Variants in GABRG1 observed in about 807,000 individuals in gnomAD.
GABRG1 encodes gamma-aminobutyric acid type A receptor subunit gamma1.
A neutral mutation model predicts 49.8 loss-of-function variants in GABRG1; 49 were observed. That is an observed-to-expected ratio of 0.98 (90% confidence interval 0.78 to 1.25). The LOEUF is 1.25. Ranked by LOEUF, GABRG1 falls within the 50% of genes most tolerant of loss-of-function variation. The pLI is 0.00. For missense variants in GABRG1, 552 were observed against 552.3 expected, an observed-to-expected ratio of 1.00 and a Z score of 0.01; for synonymous variants, 232 against 185.1, an observed-to-expected ratio of 1.25 and a Z score of -2.06.
Position 46,036,806 on chromosome 4 carries a change from T to C in GABRG1, c.*4182A>G, listed in dbSNP as rs185936551. ...CTTCTGCAGAAATTTTAATAATGTA[T>C]CTTTTGTACTCAAGTATCTCTGTGA... On this transcript the variant is annotated 3_prime_UTR_variant, in exon 9 of 9. Coordinates refer to ENST00000295452, the MANE Select transcript of GABRG1 (RefSeq NM_173536.4). 6.6e-6 allele frequency: 1 copy of C among 151,964 alleles called. No homozygotes were observed. Among genetic ancestry groups the C allele is most frequent in the African/African-American group, 2.4e-5 (1 of 41,426 alleles). 9.4% of individuals were successfully genotyped at this position (151,964 alleles called of 1,614,324 possible). A position where few individuals can be genotyped will look rare whatever the true frequency, so the allele number is the denominator to read the frequency against.
chr4:46,102,467 C>A lies in GABRG1; in HGVS notation c.105-5118G>T, dbSNP rs77648589. Among the ~76,000 whole-genome samples, 48 of 151,706 alleles carry A rather than the reference C, an allele frequency of 3.2e-4. No individual in the cohort carries two copies. The East Asian group carries it at 8.6e-3, about 27-fold the overall frequency. ...TTTGATCCAAACTACTTCTTCCCCC[C>A]TCTACTTTCATACGTTTCAAACATC... is the stretch of plus-strand genomic sequence containing the variant. On this transcript the variant is annotated intron_variant, in intron 1 of 8. Coordinates refer to ENST00000295452, the MANE Select transcript of GABRG1 (RefSeq NM_173536.4).
chr4:46,046,783 A>G (rs1718014793), intron 8 of GABRG1, among the ~76,000 whole-genome samples: 1 of 152,066 alleles, frequency 6.6e-6, no homozygotes, highest in South Asian at 2.1e-4. Context: ...ATAGTCTCCA[A>G]ATTTATCTCC....
intron 1 of GABRG1, among the ~76,000 whole-genome samples, chr4:46,097,752 G>A (rs1720227980): frequency 6.6e-6 from 1 of 151,516 alleles, no homozygotes; most frequent in Non-Finnish European, 1.5e-5. Context: ...TACAGGAAAA[G>A]ATGTAATAAT....
At position 46,051,537 on chromosome 4, in the gene GABRG1, A is replaced by C; in HGVS notation, c.1018T>G (p.Cys340Gly). 1.2e-6 allele frequency: 2 copies of C among 1,611,848 alleles called. No individual in the cohort carries two copies. Among genetic ancestry groups the C allele is most frequent in the Non-Finnish European group, 1.7e-6 (2 of 1,178,614 alleles). Reference sequence around the variant, plus strand: ...AAGGCTGCAAAAACAAAAATGAAACAAACAGAAACAAAGAGATCCATCGCA... The same window carrying C: ...AAGGCTGCAAAAACAAAAATGAAACCAACAGAAACAAAGAGATCCATCGCA... ...VTAMDLFVSV[C>G]FIFVFAALME... The change falls in exon 8 of 9, where the codon TGT (cysteine) becomes GGT (glycine). Residue 340 changes from cysteine (C) to glycine (G), a missense_variant. Transcript: ENST00000295452.
chr4:46,112,958 G>A (rs1365369717), intron 1 of GABRG1, among the ~76,000 whole-genome samples: 5 of 150,476 alleles, frequency 3.3e-5, no homozygotes, highest in African/African-American at 7.3e-5. Context: ...ATAGCTACAC[G>A]GCTACAAGTA....
intron 1 of GABRG1, among the ~76,000 whole-genome samples, chr4:46,107,802 A>G (rs1720600731): frequency 6.6e-6 from 1 of 151,224 alleles, no homozygotes; most frequent in South Asian, 2.1e-4. Flanking sequence ...AAGCTTTGAC[A>G]TTTAAAATAC....
At chr4:46,121,267 G>C (rs1190484855) in intron 1 of GABRG1, among the ~76,000 whole-genome samples, 6 of 151,690 alleles carry the variant, frequency 4.0e-5, no homozygotes, top group Non-Finnish European at 1.5e-5. Context: ...AACTATTTAT[G>C]GTTAGTTTTG....
At chr4:46,095,714 T>C (rs1259162967) in intron 2 of GABRG1, among the ~76,000 whole-genome samples, 3 of 151,938 alleles carry the variant, frequency 2.0e-5, no homozygotes, top group African/African-American at 4.8e-5. Context: ...TTCAAATCAA[T>C]AGAAAAATAA....
intron 7 of GABRG1, among the ~76,000 whole-genome samples, chr4:46,053,768 C>T (rs1414879043): frequency 2.0e-5 from 3 of 151,938 alleles, no homozygotes; most frequent in South Asian, 2.1e-4. Flanking sequence ...GGCAAAAAAA[C>T]TAAGCAGAAC....
intron 2 of GABRG1, among the ~76,000 whole-genome samples, chr4:46,096,346 A>C (rs1471481414): frequency 6.6e-6 from 1 of 151,734 alleles, no homozygotes; most frequent in African/African-American, 2.4e-5. Flanking sequence ...TAAATGAAAG[A>C]CTAAGGCTAT....
At chr4:46,072,774 T>C (rs1389184061) in intron 3 of GABRG1, among the ~76,000 whole-genome samples, 1 of 151,974 alleles carries the variant, frequency 6.6e-6, no homozygotes, top group Non-Finnish European at 1.5e-5. Context: ...AGAAAAACCA[T>C]TGTGATGCTA....
chr4:46,059,156 A>G (rs900800724), intron 5 of GABRG1, among the ~76,000 whole-genome samples: 2 of 152,110 alleles, frequency 1.3e-5, no homozygotes, highest in African/African-American at 4.8e-5. Flanking sequence ...TTCCATTGTA[A>G]AAACACACCG....
At chr4:46,081,120 C>G (rs927035192) in intron 3 of GABRG1, among the ~76,000 whole-genome samples, 1 of 151,732 alleles carries the variant, frequency 6.6e-6, no homozygotes, top group Non-Finnish European at 1.5e-5. Context: ...TTTACTATCT[C>G]AGCTTCATCT....
chr4:46,099,808 C>A (rs1214348747), intron 1 of GABRG1, among the ~76,000 whole-genome samples: 1 of 151,570 alleles, frequency 6.6e-6, no homozygotes, highest in Non-Finnish European at 1.5e-5. Flanking sequence ...GGTCCTTCTA[C>A]TATTATTATA....
chr4:46,084,041 A>G lies in GABRG1; in HGVS notation c.266T>C (p.Val89Ala), dbSNP rs1719666805. The change falls in exon 3 of 9, where the codon GTA (valine) becomes GCA (alanine). Residue 89 changes from valine (V) to alanine (A), a missense_variant. Coordinates refer to ENST00000295452, the MANE Select transcript of GABRG1 (RefSeq NM_173536.4). Reference sequence around the variant, plus strand: ...GTTTACATAAACATCAGTTTCAATTACTGTGGGCCTCACTGCAAAATATCA... The same window carrying G: ...GTTTACATAAACATCAGTTTCAATTGCTGTGGGCCTCACTGCAAAATATCA... ...LRPDIGVRPTVIETDVYVNSI... is the reference protein window; with the variant it reads ...LRPDIGVRPTAIETDVYVNSI... 6.3e-7 allele frequency: 1 copy of G among 1,582,974 alleles called. No individual in the cohort carries two copies. The highest frequency in any genetic ancestry group is 1.1e-5 in the South Asian group (1 of 88,824).
chr4:46,114,493 CTTAT>C (rs949326174), intron 1 of GABRG1, among the ~76,000 whole-genome samples: 20 of 150,826 alleles, frequency 1.3e-4, no homozygotes, highest in African/African-American at 4.6e-4. Context: ...TAATTAATTA[CTTAT>C]TTATTTATGA....
chr4:46,083,803 C>T (rs1036500530), intron 3 of GABRG1, among the ~76,000 whole-genome samples, 183 bp downstream of exon 3: 5 of 151,544 alleles, frequency 3.3e-5, no homozygotes, highest in African/African-American at 1.2e-4. Context: ...TAACAAGATA[C>T]AGATTCTTAG....
At position 46,039,155 on chromosome 4, in the gene GABRG1, C is replaced by T. The variant is rs1422555821; in HGVS notation, c.*1833G>A. 1 of 151,494 alleles carries T rather than the reference C, an allele frequency of 6.6e-6. No homozygotes were observed. Among genetic ancestry groups the T allele is most frequent in the African/African-American group, 2.4e-5 (1 of 41,340 alleles). The allele number at this position is 151,494 out of a possible 1,614,324, so 9.4% of individuals were successfully genotyped here. On this transcript the variant is annotated 3_prime_UTR_variant, in exon 9 of 9. Coordinates refer to ENST00000295452, the MANE Select transcript of GABRG1 (RefSeq NM_173536.4). ...CTTAAATGAATGCTCACTTTCAAAA[C>T]ATCCATCAGTACTCAATGTTATTAA...
chr4:46,100,707 GAAAAA>G (rs33924854), intron 1 of GABRG1, among the ~76,000 whole-genome samples: 2 of 127,060 alleles, frequency 1.6e-5, no homozygotes, highest in Non-Finnish European at 1.6e-5. Context: ...GAAGATTTTA[GAAAAA>G]AAAAAAAAAA....
Sources: allele counts gnomAD v4.1 joint callset (sites outside exome capture counted in the v4.1 genomes callset), GRCh38; gene constraint gnomAD v4.1.1; transcripts MANE v1.5; gene names NCBI Gene and HGNC (gene_info 2026-07-23, HGNC 2026-07-21).